Variants in UTRN observed in about 807,000 individuals in gnomAD.
UTRN encodes dystrophin-related protein 1.
UTRN carries 283 observed loss-of-function variants against 463.9 expected under a neutral mutation model. That is an observed-to-expected ratio of 0.61 (90% CI 0.55 to 0.67). The LOEUF (loss-of-function observed/expected upper bound fraction) is 0.67, where lower values mean the gene tolerates loss of function less well. Among genes scored for constraint, UTRN ranks in the 30% least tolerant of loss-of-function variants. The probability of loss-of-function intolerance (pLI) is 0.00; values close to 1 mark genes in which losing one functional copy is unlikely to be tolerated. For synonymous variants in UTRN, 1,442 were observed against 1,431.5 expected, an observed-to-expected ratio of 1.01 and a Z score of -0.17; for missense variants, 3,922 against 4,084.3, an observed-to-expected ratio of 0.96 and a Z score of 1.08.
At chr6:144,633,224 C>T (rs1483441909) in intron 51 of UTRN, among the ~76,000 whole-genome samples, 1 of 128,806 alleles carries the variant, frequency 7.8e-6, no homozygotes, top group Non-Finnish European at 1.5e-5. Flanking sequence ...CTCACTACTT[C>T]TCCTTTTTTT....
At chr6:144,838,414 G>A (rs1255429138) in intron 71 of UTRN, among the ~76,000 whole-genome samples, 1 of 152,134 alleles carries the variant, frequency 6.6e-6, no homozygotes, top group Non-Finnish European at 1.5e-5. Flanking sequence ...GAACTACCAG[G>A]CTTCAACTAA....
chr6:144,678,310 G>A, intron 51 of UTRN, 96 bp from the exon 52 acceptor site: 4 of 1,187,304 alleles, frequency 3.4e-6, no homozygotes, highest in Non-Finnish European at 4.6e-6. Context: ...AATTTAAGGT[G>A]AAATGAACTA....
chr6:144,566,207 T>A (rs1032097058), intron 50 of UTRN, among the ~76,000 whole-genome samples: 2 of 152,154 alleles, frequency 1.3e-5, no homozygotes, highest in South Asian at 2.1e-4. Context: ...AGCTTTATGA[T>A]CTATCGAGCA....
At chr6:144,531,254 C>T (rs1450078025) in intron 42 of UTRN, 52 bp downstream of exon 42, 3 of 1,469,622 alleles carry the variant, frequency 2.0e-6, no homozygotes, top group East Asian at 2.3e-5. Flanking sequence ...TAGTGTATGC[C>T]TGTTAAGACA....
chr6:144,717,680 G>T (rs1235597737), intron 53 of UTRN, among the ~76,000 whole-genome samples: 4 of 133,222 alleles, frequency 3.0e-5, no homozygotes, highest in Non-Finnish European at 6.1e-5. Context: ...CAGTTGCCCA[G>T]GCTGGACTGC....
At chr6:144,508,538 G>A (rs968282465) in intron 34 of UTRN, among the ~76,000 whole-genome samples, 1 of 152,142 alleles carries the variant, frequency 6.6e-6, no homozygotes, top group Non-Finnish European at 1.5e-5. Flanking sequence ...CTGGTGAAGC[G>A]ACACCCTCCG....
intron 10 of UTRN, among the ~76,000 whole-genome samples, chr6:144,437,013 C>T (rs1318552640): frequency 2.0e-5 from 3 of 149,824 alleles, no homozygotes; most frequent in Admixed American, 6.7e-5. Context: ...AGTGCAGTGG[C>T]ACAATCTTGG....
intron 9 of UTRN, among the ~76,000 whole-genome samples, chr6:144,434,223 A>G (rs1475833503): frequency 1.3e-5 from 2 of 152,058 alleles, no homozygotes; most frequent in Non-Finnish European, 2.9e-5. Flanking sequence ...CGCACCTGCA[A>G]TTGCAGGCAC....
intron 67 of UTRN, 62 bp from the exon 68 acceptor site, chr6:144,827,549 C>A: frequency 6.2e-7 from 1 of 1,605,550 alleles, no homozygotes; most frequent in Non-Finnish European, 8.5e-7. Flanking sequence ...CCTAACATTT[C>A]TAATAGTAAC....
intron 51 of UTRN, among the ~76,000 whole-genome samples, chr6:144,581,231 C>A (rs1463831953): frequency 6.6e-6 from 1 of 152,054 alleles, no homozygotes; most frequent in Non-Finnish European, 1.5e-5. Context: ...GTATGAAAGC[C>A]CATTATTGAC....
chr6:144,469,974 C>T (rs1474623857), intron 23 of UTRN, among the ~76,000 whole-genome samples: 2 of 152,106 alleles, frequency 1.3e-5, no homozygotes, highest in African/African-American at 4.8e-5. Flanking sequence ...ATCCATTTAA[C>T]CCTTAGTGGA....
intron 46 of UTRN, among the ~76,000 whole-genome samples, chr6:144,544,233 GT>G (rs900801063): frequency 6.6e-6 from 1 of 152,090 alleles, no homozygotes; most frequent in Non-Finnish European, 1.5e-5. Flanking sequence ...CCTACGCAGT[GT>G]TTTAATTCAG....
intron 63 of UTRN, among the ~76,000 whole-genome samples, chr6:144,794,673 G>T (rs1777059310): frequency 6.6e-6 from 1 of 152,116 alleles, no homozygotes; most frequent in Non-Finnish European, 1.5e-5. Flanking sequence ...AGTTCATTCA[G>T]GCTGCTGTAA....
intron 69 of UTRN, among the ~76,000 whole-genome samples, chr6:144,829,391 G>C (rs993336444): frequency 1.4e-4 from 22 of 152,052 alleles, no homozygotes; most frequent in African/African-American, 5.3e-4. Context: ...ATACTAAAAA[G>C]ATATTATATA....
chr6:144,803,273 T>C (rs1777860954), intron 65 of UTRN, 126 bp downstream of exon 65: 2 of 534,060 alleles, frequency 3.7e-6, no homozygotes, highest in East Asian at 7.5e-5. Context: ...TTTTTTTTTC[T>C]TTTAAGTAAA....
chr6:144,539,478 T>G (rs749047220), intron 45 of UTRN, 35 bp downstream of exon 45: 2 of 1,541,132 alleles, frequency 1.3e-6, no homozygotes, highest in Non-Finnish European at 1.8e-6. Context: ...ATTTCTCATA[T>G]TTATTGATTT....
chr6:144,492,524 A>C (rs559506550), intron 32 of UTRN, among the ~76,000 whole-genome samples: 1 of 152,254 alleles, frequency 6.6e-6, no homozygotes, highest in African/African-American at 2.4e-5. Context: ...ATCCTCCTTT[A>C]CTTATATACC....
chr6:144,354,424 T>C (rs1161928904), intron 2 of UTRN, among the ~76,000 whole-genome samples: 1 of 152,200 alleles, frequency 6.6e-6, no homozygotes, highest in Non-Finnish European at 1.5e-5. Flanking sequence ...AGTCTGGTTT[T>C]CTGTGCTGCA....
intron 43 of UTRN, among the ~76,000 whole-genome samples, chr6:144,536,035 C>T (rs1028032653): frequency 6.6e-6 from 1 of 152,204 alleles, no homozygotes; most frequent in African/African-American, 2.4e-5. Flanking sequence ...CTGCCTCAGT[C>T]TCTCAAAGTG....
Sources: allele counts gnomAD v4.1 joint callset (sites outside exome capture counted in the v4.1 genomes callset), GRCh38; gene constraint gnomAD v4.1.1; transcripts MANE v1.5; gene names NCBI Gene and HGNC (gene_info 2026-07-23, HGNC 2026-07-21).